OXCT1: variants seen among roughly 807,000 people sequenced by gnomAD.
The protein encoded by OXCT1 is succinyl-CoA:3-ketoacid coenzyme A transferase 1, mitochondrial.
Under a neutral mutation model 69.6 loss-of-function variants are expected in OXCT1, and 27 were observed. The observed-to-expected ratio is 0.39, with a 90% CI of 0.29 to 0.54. The LOEUF (loss-of-function observed/expected upper bound fraction) is 0.54, where lower values mean the gene tolerates loss of function less well. OXCT1 is among the 20% of genes least tolerant of loss of function. The pLI, the probability that OXCT1 is intolerant of heterozygous loss-of-function variation, is 0.72. For synonymous variants in OXCT1, 202 were observed against 217.8 expected, an observed-to-expected ratio of 0.93 and a Z score of 0.64; for missense variants, 437 against 650.2, an observed-to-expected ratio of 0.67 and a Z score of 3.57.
chr5:41,732,335 GAAGT>G (rs1742675742), intron 16 of OXCT1, among the ~76,000 whole-genome samples: 1 of 152,170 alleles, frequency 6.6e-6, no homozygotes, highest in African/African-American at 2.4e-5. Context: ...TTAAAATATG[GAAGT>G]AATAGCATTA....
chr5:41,744,380 T>A (rs1342836214), intron 15 of OXCT1, among the ~76,000 whole-genome samples: 1 of 152,168 alleles, frequency 6.6e-6, no homozygotes, highest in Non-Finnish European at 1.5e-5. Context: ...ATGATAGGGT[T>A]TTCTAGATAT....
At chr5:41,771,393 C>A (rs1171763024) in intron 13 of OXCT1, among the ~76,000 whole-genome samples, 1 of 152,178 alleles carries the variant, frequency 6.6e-6, no homozygotes, top group Non-Finnish European at 1.5e-5. Context: ...TCTCAAGGTA[C>A]AATCAATGTG....
intron 14 of OXCT1, among the ~76,000 whole-genome samples, chr5:41,750,135 GTTTTTTTTTTT>G (rs11291155): frequency 4.1e-5 from 3 of 73,924 alleles, no homozygotes; most frequent in African/African-American, 1.6e-4. Flanking sequence ...GTGTTTTTTG[GTTTTTTTTTTT>G]TTTTTTTTTT....
chr5:41,847,887 T>A (rs1387223088), intron 5 of OXCT1, among the ~76,000 whole-genome samples: 2 of 150,206 alleles, frequency 1.3e-5, no homozygotes, highest in East Asian at 3.9e-4. Flanking sequence ...GGATGCCCTC[T>A]CTCACCACTC....
intron 13 of OXCT1, among the ~76,000 whole-genome samples, chr5:41,772,324 C>T (rs981986123): frequency 6.6e-6 from 1 of 151,160 alleles, no homozygotes; most frequent in Non-Finnish European, 1.5e-5. Context: ...AATGTAATTA[C>T]ACCGCCATCA....
chr5:41,744,840 T>C (rs527566769), intron 15 of OXCT1, among the ~76,000 whole-genome samples: 43 of 152,150 alleles, frequency 2.8e-4, no homozygotes, highest in African/African-American at 9.1e-4. Context: ...CATTACATAA[T>C]GGTAAAGGGA....
intron 1 of OXCT1, among the ~76,000 whole-genome samples, chr5:41,867,346 C>T (rs1750038405): frequency 6.6e-6 from 1 of 152,088 alleles, no homozygotes; most frequent in African/African-American, 2.4e-5. Flanking sequence ...CAGACATAGC[C>T]CCTGCTATAA....
chr5:41,731,856 T>A, intron 16 of OXCT1, 86 bp from the exon 17 acceptor site: 1 of 1,482,768 alleles, frequency 6.7e-7, no homozygotes, highest in Non-Finnish European at 9.2e-7. Flanking sequence ...TTCAATCATG[T>A]AGGCAACAAG....
intron 13 of OXCT1, among the ~76,000 whole-genome samples, chr5:41,771,787 A>G (rs1006672766): frequency 5.9e-5 from 9 of 152,214 alleles, no homozygotes; most frequent in Non-Finnish European, 8.8e-5. Flanking sequence ...GAAACAGAAT[A>G]AATTACATAT....
At chr5:41,755,432 C>A (rs1044475079) in intron 14 of OXCT1, among the ~76,000 whole-genome samples, 1 of 152,046 alleles carries the variant, frequency 6.6e-6, no homozygotes, top group Non-Finnish European at 1.5e-5. Context: ...AAGAATTATA[C>A]GCTTTTATAA....
intron 15 of OXCT1, among the ~76,000 whole-genome samples, chr5:41,740,573 A>G (rs1743112073): frequency 6.6e-6 from 1 of 152,202 alleles, no homozygotes; most frequent in South Asian, 2.1e-4. Context: ...TTTAGAACAC[A>G]TGCTTTCACA....
At chr5:41,784,500 C>T (rs1008809369) in intron 13 of OXCT1, among the ~76,000 whole-genome samples, 1 of 152,190 alleles carries the variant, frequency 6.6e-6, no homozygotes, top group African/African-American at 2.4e-5. Context: ...GAATGCTATA[C>T]AGATTTTTAT....
chr5:41,791,574 T>G (rs1745918188), intron 13 of OXCT1, among the ~76,000 whole-genome samples: 1 of 152,188 alleles, frequency 6.6e-6, no homozygotes, highest in South Asian at 2.1e-4. Context: ...ACATGCTAAA[T>G]CATAATATAA....
chr5:41,757,786 C>T (rs746519153), intron 14 of OXCT1, among the ~76,000 whole-genome samples: 18 of 151,982 alleles, frequency 1.2e-4, no homozygotes, highest in Non-Finnish European at 2.5e-4. Flanking sequence ...GTACAAACAC[C>T]TAAGAATGGG....
intron 7 of OXCT1, among the ~76,000 whole-genome samples, chr5:41,809,647 G>C (rs1329645754): frequency 6.6e-6 from 1 of 151,676 alleles, no homozygotes; most frequent in South Asian, 2.1e-4. Context: ...TAATAAAAAA[G>C]GAAGAAAAAA....
chr5:41,750,209 A>C (rs1743713913), intron 14 of OXCT1, among the ~76,000 whole-genome samples: 1 of 133,488 alleles, frequency 7.5e-6, no homozygotes, highest in African/African-American at 2.9e-5. Flanking sequence ...ATCCACTTTT[A>C]AAATACTATG....
intron 4 of OXCT1, among the ~76,000 whole-genome samples, chr5:41,852,407 A>T (rs565625608): frequency 1.4e-4 from 22 of 152,328 alleles, no homozygotes; most frequent in African/African-American, 5.3e-4. Flanking sequence ...TTATGTTATT[A>T]CCAACTTGGC....
At chr5:41,831,728 C>A (rs895809292) in intron 7 of OXCT1, among the ~76,000 whole-genome samples, 4 of 152,058 alleles carry the variant, frequency 2.6e-5, no homozygotes, top group Non-Finnish European at 5.9e-5. Context: ...GCAGGAGTGA[C>A]CATGGGTTGA....
In OXCT1 at chr5:41,762,290, T is replaced by C. The variant is rs1744389013; in HGVS notation, c.1249-90A>G. ...AACTTGCAAAAATAAGCTACTAGAA[T>C]CATTAAAAACTCATTGTCCTTCATT... is the stretch of plus-strand genomic sequence containing the variant. On this transcript the variant is annotated intron_variant, in intron 13 of 16. Coordinates refer to ENST00000196371, the MANE Select transcript of OXCT1 (RefSeq NM_000436.4). The surrounding 1 kb of genome is among the most constrained non-coding windows in gnomAD (Gnocchi z 4.0). 9.9e-7 allele frequency: 1 copy of C among 1,012,764 alleles called. No homozygotes were observed. Among genetic ancestry groups the C allele is most frequent in the African/African-American group, 1.6e-5 (1 of 63,542 alleles). The allele number at this position is 1,012,764 out of a possible 1,614,324, so 62.7% of individuals were successfully genotyped here.
Sources: allele counts gnomAD v4.1 joint callset (sites outside exome capture counted in the v4.1 genomes callset), GRCh38; gene constraint gnomAD v4.1.1; non-coding constraint Gnocchi (gnomAD v3.1); transcripts MANE v1.5; gene names NCBI Gene and HGNC (gene_info 2026-07-23, HGNC 2026-07-21).